RRM2: variants seen among roughly 807,000 people sequenced by gnomAD.
RRM2 encodes ribonucleotide reductase regulatory subunit M2.
RRM2 carries 6 observed loss-of-function variants against 45.9 expected under a neutral mutation model. The observed-to-expected ratio is 0.13, with a 90% CI of 0.07 to 0.26. The LOEUF (loss-of-function observed/expected upper bound fraction) is 0.26. Ranked by LOEUF, RRM2 falls within the 10% of genes least tolerant of loss-of-function variation. RRM2 has a pLI of 1.00. For synonymous variants in RRM2, 177 were observed against 173.0 expected (o/e 1.02, Z -0.18); for missense variants, 343 against 489.5 (o/e 0.70, Z 2.82).
intron 3 of RRM2, among the ~76,000 whole-genome samples, chr2:10,206,516 C>T (rs1664668905): frequency 6.6e-6 from 1 of 151,968 alleles, no homozygotes; most frequent in African/African-American, 2.4e-5. Context: ...GAGACAAACA[C>T]ATGAAAAACA....
downstream of RRM2, among the ~76,000 whole-genome samples, chr2:10,134,150 A>T (rs1662949338): frequency 1.4e-5 from 2 of 139,382 alleles, no homozygotes; most frequent in South Asian, 4.6e-4. Flanking sequence ...AGCCTGGGCG[A>T]CAAGAGTGAA....
At chr2:10,143,417 A>G (rs1663124727) in intron 3 of RRM2, among the ~76,000 whole-genome samples, 1 of 152,172 alleles carries the variant, frequency 6.6e-6, no homozygotes, top group African/African-American at 2.4e-5. Flanking sequence ...AGAATCGTAC[A>G]CTTTTCTGAT....
chr2:10,170,670 T>TC (rs35204720), intron 3 of RRM2, among the ~76,000 whole-genome samples: 45 of 151,714 alleles, frequency 3.0e-4, no homozygotes, highest in Non-Finnish European at 6.3e-4. Context: ...GGCCTGGGTC[T>TC]CCCCCTCTCC....
chr2:10,171,471 T>C lies in RRM2; in HGVS notation n.482+29096T>C, dbSNP rs1238343704. Among the ~76,000 whole-genome samples, 1 of 152,180 alleles carries C rather than the reference T, an allele frequency of 6.6e-6. No individual in the cohort carries two copies. The highest frequency in any genetic ancestry group is 1.5e-5 in the Non-Finnish European group (1 of 68,022). ...CGGCCCTTCATGTCAGCTGGTGACA[T>C]TTCTGCAATTGTTCCTAAAGAGGGG... On this transcript the variant is annotated intron_variant and non_coding_transcript_variant, in intron 3 of 3. Coordinates refer to the RRM2 transcript ENST00000381786. The surrounding 1 kb of genome is among the most constrained non-coding windows in gnomAD (Gnocchi z 4.1).
In RRM2 at chr2:10,169,739, G is replaced by A. The variant is rs957489922; in HGVS notation, n.482+27364G>A. Among the ~76,000 whole-genome samples, 2 of 152,198 alleles carry A rather than the reference G, an allele frequency of 1.3e-5. No individual in the cohort carries two copies. The highest frequency in any genetic ancestry group is 6.5e-5 in the Admixed American group (1 of 15,282). ...GAGTGTCTCTGAGTTTGGAGAGCTG[G>A]CCTCCGCACTGGGCTTCCTGAGGAC... On this transcript the variant is annotated intron_variant and non_coding_transcript_variant, in intron 3 of 3. Transcript: ENST00000381786. The surrounding 1 kb of genome is among the most constrained non-coding windows in gnomAD (Gnocchi z 5.1).
intron 5 of RRM2, 77 bp downstream of exon 5, chr2:10,124,927 G>T: frequency 7.2e-7 from 1 of 1,396,594 alleles, no homozygotes; most frequent in East Asian, 2.3e-5. Context: ...AGTTCACCTA[G>T]GGATAAAAAT....
intron 3 of RRM2, among the ~76,000 whole-genome samples, chr2:10,209,716 C>T (rs867938835): frequency 1.3e-5 from 2 of 152,142 alleles, no homozygotes; most frequent in Admixed American, 1.3e-4. Flanking sequence ...AGTGGTGCCC[C>T]ACCCGTCCGT....
At chr2:10,122,954 G>C (rs370831080) in intron 1 of RRM2, 29 bp from the exon 2 acceptor site, 4 of 1,546,466 alleles carry the variant, frequency 2.6e-6, no homozygotes, top group Admixed American at 1.9e-5. Flanking sequence ...AAGCGAAGCC[G>C]CTCCTCACTC....
intron 3 of RRM2, among the ~76,000 whole-genome samples, chr2:10,206,728 A>C (rs1205493623): frequency 1.3e-5 from 2 of 152,256 alleles, no homozygotes; most frequent in African/African-American, 4.8e-5. Flanking sequence ...GTGAAACTGC[A>C]GAACACCAAA....
At chr2:10,168,837 C>G (rs1486028641) in intron 3 of RRM2, among the ~76,000 whole-genome samples, 3 of 149,432 alleles carry the variant, frequency 2.0e-5, no homozygotes, top group Non-Finnish European at 1.5e-5. Context: ...AGTACCCAAC[C>G]TGTGCAACTG....
chr2:10,209,057 C>CTTTCTTTCTTTCTTTCTTTA (rs1048061514), intron 3 of RRM2, among the ~76,000 whole-genome samples: 6 of 102,514 alleles, frequency 5.9e-5, no homozygotes, highest in Non-Finnish European at 1.1e-4. Flanking sequence ...TTCTTTCTTT[C>CTTTCTTTCTTTCTTTCTTTA]TTTTTTTTTT....
chr2:10,160,173 C>G (rs919191069), intron 3 of RRM2, among the ~76,000 whole-genome samples: 1 of 152,186 alleles, frequency 6.6e-6, no homozygotes. Flanking sequence ...GCACATAGTT[C>G]GGGTTTCACC....
intron 3 of RRM2, among the ~76,000 whole-genome samples, chr2:10,146,836 G>T (rs578018067): frequency 6.6e-6 from 1 of 152,344 alleles, no homozygotes; most frequent in African/African-American, 2.4e-5. Flanking sequence ...AAATGCCTGC[G>T]TTTGGGTGCG....
At chr2:10,132,410 G>A (rs1040685448), downstream of RRM2, among the ~76,000 whole-genome samples, 7 of 152,162 alleles carry the variant, frequency 4.6e-5, no homozygotes, top group African/African-American at 1.7e-4. Context: ...GGTCTCATGG[G>A]GGGAGATGAT....
At chr2:10,160,888 C>A (rs1178549993) in intron 3 of RRM2, among the ~76,000 whole-genome samples, 1 of 152,194 alleles carries the variant, frequency 6.6e-6, no homozygotes, top group East Asian at 1.9e-4. Flanking sequence ...TGCGCCCCTG[C>A]AGTGCTCCCA....
At chr2:10,187,179 G>A (rs1664187998) in intron 3 of RRM2, among the ~76,000 whole-genome samples, 1 of 152,208 alleles carries the variant, frequency 6.6e-6, no homozygotes, top group African/African-American at 2.4e-5. Flanking sequence ...CCTCTCCCTT[G>A]TTCCCTGATG....
chr2:10,205,305 G>A lies in RRM2; in HGVS notation n.483-5006G>A, dbSNP rs746406970. On this transcript the variant is annotated intron_variant and non_coding_transcript_variant, in intron 3 of 3. Transcript: ENST00000381786. This position sits in a 1 kb window ranked among gnomAD's most constrained non-coding sequence, Gnocchi z 4.8. The stretch of plus-strand genomic sequence containing the variant: ...CTTGAATGGGGCCTGTGATATCTGC[G>A]GCCAGTGCCCTCGGTATGTCCCACT... Among the ~76,000 whole-genome samples, 3 of 152,180 alleles carry A rather than the reference G, an allele frequency of 2.0e-5. No homozygotes were observed. The highest frequency in any genetic ancestry group is 1.9e-4 in the East Asian group (1 of 5,190).
chr2:10,160,846 C>T (rs945992839), intron 3 of RRM2, among the ~76,000 whole-genome samples: 1 of 152,226 alleles, frequency 6.6e-6, no homozygotes, highest in African/African-American at 2.4e-5. Context: ...GAAGCCAGGA[C>T]CTTCCTGGCC....
intron 3 of RRM2, among the ~76,000 whole-genome samples, chr2:10,183,601 G>A (rs1664104166): frequency 6.6e-6 from 1 of 152,208 alleles, no homozygotes; most frequent in African/African-American, 2.4e-5. Context: ...TGTAATCCCA[G>A]CATTTTGGGA....
Sources: gnomAD v4.1 joint callset for allele counts (sites outside exome capture counted in the v4.1 genomes callset) on GRCh38, gnomAD v4.1.1 for gene constraint, Gnocchi (gnomAD v3.1) non-coding constraint, MANE v1.5 for transcripts, NCBI Gene and HGNC (gene_info 2026-07-23, HGNC 2026-07-21) for gene names.